NBEA: variants seen among roughly 807,000 people sequenced by gnomAD.
The protein encoded by NBEA is neurobeachin.
A neutral mutation model predicts 343.4 loss-of-function variants in NBEA; 44 were observed. The observed-to-expected ratio is 0.13, with a 90% CI of 0.10 to 0.16. The LOEUF (loss-of-function observed/expected upper bound fraction) is 0.16. Ranked by LOEUF, NBEA falls within the 10% of genes least tolerant of loss-of-function variation. The pLI is 1.00. For synonymous variants in NBEA, 1,175 were observed against 1,238.7 expected (o/e 0.95, Z 1.08); for missense variants, 2,555 against 3,631.3 (o/e 0.70, Z 7.62).
chr13:35,021,737 T>C (rs1043560560), intron 1 of NBEA, among the ~76,000 whole-genome samples: 1 of 152,174 alleles, frequency 6.6e-6, no homozygotes, highest in Non-Finnish European at 1.5e-5. Flanking sequence ...AAGAACCTTA[T>C]AAAAGTACAC....
At chr13:35,007,400 T>C (rs1335462030) in intron 1 of NBEA, among the ~76,000 whole-genome samples, 1 of 152,352 alleles carries the variant, frequency 6.6e-6, no homozygotes, top group Non-Finnish European at 1.5e-5. Flanking sequence ...AAACCTACCA[T>C]TGAATTATCA....
chr13:35,197,001 G>T (rs1351975768), intron 31 of NBEA, among the ~76,000 whole-genome samples: 1 of 152,024 alleles, frequency 6.6e-6, no homozygotes, highest in Admixed American at 6.6e-5. Context: ...TTTTATTCCA[G>T]TATACATTCA....
intron 33 of NBEA, among the ~76,000 whole-genome samples, chr13:35,214,366 A>G (rs953795327): frequency 3.3e-4 from 50 of 151,986 alleles, no homozygotes; most frequent in African/African-American, 1.2e-3. Flanking sequence ...ACTGTCAGCA[A>G]TGTGTAGTTC....
At chr13:35,443,068 A>G (rs1166362476) in intron 39 of NBEA, among the ~76,000 whole-genome samples, 2 of 152,108 alleles carry the variant, frequency 1.3e-5, no homozygotes, top group African/African-American at 4.8e-5. Flanking sequence ...TCAATTGTTT[A>G]CAAGCATAAC....
intron 1 of NBEA, among the ~76,000 whole-genome samples, chr13:34,992,262 ATTT>A (rs1261240105): frequency 3.1e-4 from 36 of 114,316 alleles, no homozygotes; most frequent in African/African-American, 1.2e-3. Flanking sequence ...ATATATATAT[ATTT>A]TTTTTTTTAG....
intron 35 of NBEA, among the ~76,000 whole-genome samples, chr13:35,302,441 A>G (rs148140199): frequency 1.3e-3 from 200 of 152,300 alleles, no homozygotes; most frequent in African/African-American, 4.7e-3. Context: ...AAATTATGCA[A>G]ATAGTTGCAA....
chr13:35,285,119 A>G (rs958774457), intron 34 of NBEA, among the ~76,000 whole-genome samples: 3 of 151,910 alleles, frequency 2.0e-5, no homozygotes, highest in African/African-American at 7.3e-5. Flanking sequence ...CAGCTCTACT[A>G]ATTTGGGGAT....
At chr13:35,418,084 A>C (rs1429026350) in intron 38 of NBEA, among the ~76,000 whole-genome samples, 1 of 151,782 alleles carries the variant, frequency 6.6e-6, no homozygotes, top group Admixed American at 6.6e-5. Context: ...TTTGTTTTCC[A>C]TTTGCTTGGT....
chr13:35,336,913 G>A (rs1032819989), intron 36 of NBEA, among the ~76,000 whole-genome samples: 1 of 151,950 alleles, frequency 6.6e-6, no homozygotes, highest in Non-Finnish European at 1.5e-5. Flanking sequence ...CATACCTATC[G>A]GCTACAGTGC....
intron 38 of NBEA, among the ~76,000 whole-genome samples, chr13:35,378,118 C>T (rs920788379): frequency 6.6e-6 from 1 of 152,146 alleles, no homozygotes; most frequent in Non-Finnish European, 1.5e-5. Flanking sequence ...AACAGGAATA[C>T]TTACGTGTAT....
At chr13:35,366,363 A>G (rs927387558) in intron 38 of NBEA, among the ~76,000 whole-genome samples, 3 of 151,414 alleles carry the variant, frequency 2.0e-5, no homozygotes, top group African/African-American at 4.8e-5. Context: ...GAGTTATTAT[A>G]TATTATATTT....
At chr13:35,352,056 A>G (rs1218685343) in intron 37 of NBEA, 101 bp from the exon 38 acceptor site, 7 of 653,546 alleles carry the variant, frequency 1.1e-5, no homozygotes, top group Non-Finnish European at 1.5e-5. Context: ...TTTGAGTTTT[A>G]AAAAGTTGAA....
At chr13:35,545,194 A>G (rs2079011100) in intron 41 of NBEA, among the ~76,000 whole-genome samples, 1 of 152,222 alleles carries the variant, frequency 6.6e-6, no homozygotes, top group Non-Finnish European at 1.5e-5. Context: ...CCAGATTTTT[A>G]TAGAAATGTA....
chr13:35,012,955 C>T (rs1353392024), intron 1 of NBEA, among the ~76,000 whole-genome samples: 1 of 152,114 alleles, frequency 6.6e-6, no homozygotes, highest in East Asian at 1.9e-4. Flanking sequence ...AGGTTGGCTC[C>T]TGATTGTGTA....
chr13:35,152,715 T>C (rs1411719712), intron 18 of NBEA, among the ~76,000 whole-genome samples: 1 of 152,188 alleles, frequency 6.6e-6, no homozygotes, highest in Non-Finnish European at 1.5e-5. Context: ...TCATTGTTGT[T>C]TCCCTCCCTG....
intron 1 of NBEA, among the ~76,000 whole-genome samples, chr13:34,978,347 T>C (rs1322541059): frequency 6.6e-6 from 1 of 152,220 alleles, no homozygotes; most frequent in Non-Finnish European, 1.5e-5. Flanking sequence ...AGTCTACAAT[T>C]TACATTTTAC....
chr13:34,986,848 T>C (rs2060566960), intron 1 of NBEA, among the ~76,000 whole-genome samples: 1 of 150,876 alleles, frequency 6.6e-6, no homozygotes, highest in Admixed American at 6.6e-5. Flanking sequence ...CTGCTTTTTT[T>C]TGTTTTCCAT....
At chr13:35,518,650 C>A (rs1246037985) in intron 41 of NBEA, among the ~76,000 whole-genome samples, 2 of 152,096 alleles carry the variant, frequency 1.3e-5, no homozygotes, top group Non-Finnish European at 2.9e-5. Context: ...GAAAGCATAC[C>A]CCCTGCAGTT....
At chr13:35,028,474 G>A (rs997637799) in intron 1 of NBEA, among the ~76,000 whole-genome samples, 1 of 151,814 alleles carries the variant, frequency 6.6e-6, no homozygotes, top group Admixed American at 6.6e-5. Context: ...TATAGAAATA[G>A]AATTGACTTT....
Sources: gnomAD v4.1 joint callset for allele counts (sites outside exome capture counted in the v4.1 genomes callset) on GRCh38, gnomAD v4.1.1 for gene constraint, MANE v1.5 for transcripts, NCBI Gene and HGNC (gene_info 2026-07-23, HGNC 2026-07-21) for gene names.